Variants in GABRG3 observed in about 807,000 individuals in gnomAD.
GABRG3 encodes the protein gamma-aminobutyric acid receptor subunit gamma-3.
GABRG3 carries 25 observed loss-of-function variants against 48.8 expected under a neutral mutation model. That is an observed-to-expected ratio of 0.51 (90% CI 0.37 to 0.72). The LOEUF (loss-of-function observed/expected upper bound fraction) is 0.72. Among genes scored for constraint, GABRG3 ranks in the 30% least tolerant of loss-of-function variants. GABRG3 has a pLI of 0.00. For missense variants in GABRG3, 394 were observed against 577.9 expected (o/e 0.68, Z 3.26); for synonymous variants, 227 against 217.6 (o/e 1.04, Z -0.38).
At chr15:27,216,062 A>C (rs1889235798) in intron 3 of GABRG3, among the ~76,000 whole-genome samples, 1 of 152,188 alleles carries the variant, frequency 6.6e-6, no homozygotes, top group East Asian at 1.9e-4. Flanking sequence ...GACTCTGCAA[A>C]GATCTCTGCC....
chr15:27,487,587 C>T (rs1486654566), intron 6 of GABRG3, among the ~76,000 whole-genome samples: 7 of 152,126 alleles, frequency 4.6e-5, no homozygotes, highest in Non-Finnish European at 7.3e-5. Context: ...ATCTGACTCC[C>T]GGTTTCCAGA....
chr15:27,003,535 G>A (rs1325185457), intron 2 of GABRG3, among the ~76,000 whole-genome samples: 13 of 152,128 alleles, frequency 8.5e-5, no homozygotes, highest in Non-Finnish European at 1.3e-4. Flanking sequence ...GCACAGGGCT[G>A]GGGGTAAGGT....
intron 3 of GABRG3, among the ~76,000 whole-genome samples, chr15:27,253,643 C>G (rs977699758): frequency 1.3e-5 from 2 of 152,234 alleles, no homozygotes; most frequent in Non-Finnish European, 2.9e-5. Flanking sequence ...GCGGCTGCAT[C>G]AGGCTCTGAG....
rs1286605706 is a variant in GABRG3, at chr15:27,003,699, G to A, written c.203-23055G>A. Among the ~76,000 whole-genome samples, 193 of 151,986 alleles carry A rather than the reference G, an allele frequency of 1.3e-3. 1 individual carries two copies. The highest frequency in any genetic ancestry group is 2.8e-4 in the Non-Finnish European group (19 of 67,976). On this transcript the variant is annotated intron_variant, in intron 2 of 9. Transcript: ENST00000615808. ...TCCCCCCTTTCTATTCCACAAAACC[G>A]CCATTGTCATCATGGCCCGTTCTCA...
chr15:27,048,598 A>C (rs2140707634), intron 3 of GABRG3, among the ~76,000 whole-genome samples: 1 of 152,266 alleles, frequency 6.6e-6, no homozygotes, highest in East Asian at 1.9e-4. Flanking sequence ...GTCCCCTGAA[A>C]CTGCCACTGG....
intron 6 of GABRG3, among the ~76,000 whole-genome samples, chr15:27,491,449 T>C (rs1029626242): frequency 1.3e-5 from 2 of 152,232 alleles, no homozygotes; most frequent in African/African-American, 2.4e-5. Context: ...TTTCTTCCTG[T>C]CCGTAGGGGG....
At chr15:27,234,721 T>C (rs1043966420) in intron 3 of GABRG3, among the ~76,000 whole-genome samples, 1 of 152,168 alleles carries the variant, frequency 6.6e-6, no homozygotes, top group Non-Finnish European at 1.5e-5. Context: ...GTGAAATCTT[T>C]ATATTGAAGT....
intron 5 of GABRG3, among the ~76,000 whole-genome samples, chr15:27,344,992 C>T (rs1894318093): frequency 6.6e-6 from 1 of 152,146 alleles, no homozygotes; most frequent in South Asian, 2.1e-4. Flanking sequence ...ATGTCCACTT[C>T]GTCTGAAATT....
At chr15:27,286,812 A>G (rs1891628816) in intron 3 of GABRG3, among the ~76,000 whole-genome samples, 2 of 152,194 alleles carry the variant, frequency 1.3e-5, no homozygotes, top group South Asian at 2.1e-4. Context: ...CCAATTACCT[A>G]TGGCAGGGAG....
intron 3 of GABRG3, among the ~76,000 whole-genome samples, chr15:27,147,563 G>T (rs1378418454): frequency 6.6e-6 from 1 of 151,936 alleles, no homozygotes; most frequent in East Asian, 1.9e-4. Flanking sequence ...GGACACAATT[G>T]TGTATTATGC....
chr15:27,267,401 C>T (rs1169644022), intron 3 of GABRG3, among the ~76,000 whole-genome samples: 2 of 151,614 alleles, frequency 1.3e-5, no homozygotes, highest in South Asian at 4.1e-4. Flanking sequence ...GCCACTGCAC[C>T]TGGCCATCTT....
rs1894650001 is a variant in GABRG3, at chr15:27,352,350, G to A, written c.574+23462G>A. On this transcript the variant is annotated intron_variant, in intron 5 of 9. Transcript: ENST00000615808. This position sits in a 1 kb window ranked among gnomAD's most constrained non-coding sequence, Gnocchi z 4.0. ...CGATTATCCCCCGCACACTTCAAGG[G>A]GTGATGGGGTGGGATCTCTGCCAAT... Among the ~76,000 whole-genome samples the A allele has an allele frequency of 6.6e-6, 1 of 151,998 alleles. No individual in the cohort carries two copies. The highest frequency in any genetic ancestry group is 1.5e-5 in the Non-Finnish European group (1 of 68,000).
At chr15:27,460,849 A>G (rs140823811) in intron 5 of GABRG3, among the ~76,000 whole-genome samples, 1 of 152,162 alleles carries the variant, frequency 6.6e-6, no homozygotes, top group Non-Finnish European at 1.5e-5. Context: ...CAGCCCATCC[A>G]TTTGGTGGGG....
In GABRG3 at chr15:27,318,416, G is replaced by T. The variant is rs1893305170; in HGVS notation, c.271-8393G>T. Among the ~76,000 whole-genome samples the T allele has an allele frequency of 2.0e-5, 3 of 152,232 alleles. No homozygotes were observed. The South Asian group carries it at 6.2e-4, about 32-fold the overall frequency. ...GATGGGACTTGCACCCTGCCAGGGAGATGGGGGAAAGACTGTGAGTCCCAC... is the reference window on the plus strand; with the variant it reads ...GATGGGACTTGCACCCTGCCAGGGATATGGGGGAAAGACTGTGAGTCCCAC... On this transcript the variant is annotated intron_variant, in intron 3 of 9. Coordinates refer to ENST00000615808, the MANE Select transcript of GABRG3 (RefSeq NM_033223.5).
At chr15:27,320,468 T>C (rs1351407828) in intron 3 of GABRG3, among the ~76,000 whole-genome samples, 2 of 152,238 alleles carry the variant, frequency 1.3e-5, no homozygotes, top group South Asian at 2.1e-4. Context: ...CCCCAAACTT[T>C]ACACGAGAGA....
intron 5 of GABRG3, among the ~76,000 whole-genome samples, chr15:27,461,623 G>T (rs944342314): frequency 5.9e-5 from 9 of 152,206 alleles, no homozygotes; most frequent in African/African-American, 2.2e-4. Context: ...CTCATATCCT[G>T]CCGGTTGGTC....
chr15:27,362,860 A>T (rs941325628), intron 5 of GABRG3: 1 of 152,218 alleles, frequency 6.6e-6, no homozygotes, highest in African/African-American at 2.4e-5. Flanking sequence ...GGTGCATCAG[A>T]AGTTGTTCAT....
chr15:26,997,085 C>T (rs1895356348), intron 2 of GABRG3, among the ~76,000 whole-genome samples: 1 of 152,066 alleles, frequency 6.6e-6, no homozygotes, highest in Admixed American at 6.6e-5. Context: ...TTTCTTCTGC[C>T]AGCTCAAATC....
chr15:27,518,595 T>C (rs1891085252), intron 6 of GABRG3, among the ~76,000 whole-genome samples: 1 of 152,052 alleles, frequency 6.6e-6, no homozygotes, highest in Admixed American at 6.5e-5. Flanking sequence ...ATTTTTAAGC[T>C]AAGTGAGTGA....
Sources: allele counts gnomAD v4.1 joint callset (sites outside exome capture counted in the v4.1 genomes callset), GRCh38; gene constraint gnomAD v4.1.1; non-coding constraint Gnocchi (gnomAD v3.1); transcripts MANE v1.5; gene names NCBI Gene and HGNC (gene_info 2026-07-23, HGNC 2026-07-21).